Variants in RIC3 observed in about 807,000 individuals in gnomAD.
RIC3 encodes protein RIC-3.
In RIC3, 28 loss-of-function variants were observed where a neutral mutation model predicts 27.3. That is an observed-to-expected ratio of 1.02 (90% confidence interval 0.76 to 1.41). RIC3 has a LOEUF of 1.41. RIC3 is among the 40% of genes most tolerant of loss of function. The pLI is 0.00. For missense variants in RIC3, 501 were observed against 444.7 expected (o/e 1.13, Z -1.14); for synonymous variants, 184 against 160.4 (o/e 1.15, Z -1.11).
At chr11:8,123,451 T>C (rs995893273) in intron 5 of RIC3, among the ~76,000 whole-genome samples, 2 of 152,062 alleles carry the variant, frequency 1.3e-5, no homozygotes, top group African/African-American at 4.8e-5. Context: ...CAAATTACAG[T>C]TCTCTGAAAA....
chr11:8,113,207 T>G (rs562267602), intron 5 of RIC3, among the ~76,000 whole-genome samples: 1 of 152,228 alleles, frequency 6.6e-6, no homozygotes, highest in African/African-American at 2.4e-5. Context: ...TCCCAGCCAC[T>G]GAATGCTTAA....
chr11:8,104,107 C>T (rs377503302), downstream of RIC3: 4 of 152,268 alleles, frequency 2.6e-5, no homozygotes, highest in African/African-American at 7.2e-5. Flanking sequence ...TGCATGGACT[C>T]GTAAAGCTGC....
intron 5 of RIC3, among the ~76,000 whole-genome samples, chr11:8,125,034 A>G (rs1281356382): frequency 2.0e-5 from 3 of 152,114 alleles, no homozygotes; most frequent in African/African-American, 4.8e-5. Flanking sequence ...TGGGTGGATC[A>G]CAAGGTCAGG....
chr11:8,157,393 T>C (rs1222456217), intron 1 of RIC3, among the ~76,000 whole-genome samples: 1 of 152,196 alleles, frequency 6.6e-6, no homozygotes, highest in African/African-American at 2.4e-5. Context: ...CCTTAAACCA[T>C]CCTCCAGATC....
At position 8,143,710 on chromosome 11, in the gene RIC3, C is replaced by T. The variant is rs932277250; in HGVS notation, c.125-3517G>A. On this transcript the variant is annotated intron_variant, in intron 1 of 5. Transcript: ENST00000309737. The stretch of plus-strand genomic sequence containing the variant: ...GTTCATATGGAACCAAAAAAGAGCC[C>T]GCATCGCCAAGGCAATCCTAAGCCA... Among the ~76,000 whole-genome samples, 145 of 152,116 alleles carry T rather than the reference C, an allele frequency of 9.5e-4. 1 individual carries two copies. Among genetic ancestry groups the T allele is most frequent in the Middle Eastern group, 6.8e-3 (2 of 294 alleles).
intron 1 of RIC3, among the ~76,000 whole-genome samples, chr11:8,154,635 T>C (rs1230175724): frequency 2.0e-5 from 3 of 152,206 alleles, no homozygotes; most frequent in Non-Finnish European, 4.4e-5. Flanking sequence ...CATCACATTG[T>C]ATGACCATAT....
chr11:8,161,936 A>C lies in RIC3; in HGVS notation c.124+6930T>G, dbSNP rs1951203656. Among the ~76,000 whole-genome samples the C allele has an allele frequency of 4.6e-5, 6 of 131,514 alleles. No homozygotes were observed. The Admixed American group carries it at 4.8e-4, about 11-fold the overall frequency. 86.3% of individuals were successfully genotyped at this position (131,514 alleles called of 152,430 possible). ...CACTTTCTCCGGGCAATGGAATGTGAGGAGGTAATGTCCGAAACTGTTGCT... is the reference window on the plus strand; with the variant it reads ...CACTTTCTCCGGGCAATGGAATGTGCGGAGGTAATGTCCGAAACTGTTGCT... On this transcript the variant is annotated intron_variant, in intron 1 of 5. Transcript: ENST00000309737.
At position 8,109,560 on chromosome 11, in the gene RIC3, C is replaced by T. The variant is rs1223285888; in HGVS notation, c.*1138G>A. ...CGAGTATGGAACACATGGTCTCTACCCCTGGGCACTGCTATATTGGTTCTC... is the reference window on the plus strand; with the variant it reads ...CGAGTATGGAACACATGGTCTCTACTCCTGGGCACTGCTATATTGGTTCTC... On this transcript the variant is annotated 3_prime_UTR_variant, in exon 6 of 6. Coordinates refer to ENST00000309737, the MANE Select transcript of RIC3 (RefSeq NM_001206671.4). The T allele has an allele frequency of 6.6e-6, 1 of 152,220 alleles. No individual in the cohort carries two copies. Among genetic ancestry groups the T allele is most frequent in the East Asian group, 1.9e-4 (1 of 5,178 alleles). 9.4% of individuals were successfully genotyped at this position (152,220 alleles called of 1,614,324 possible). A position where few individuals can be genotyped will look rare whatever the true frequency, so the allele number is the denominator to read the frequency against.
chr11:8,117,477 C>T (rs1334550401), intron 5 of RIC3, among the ~76,000 whole-genome samples: 1 of 152,148 alleles, frequency 6.6e-6, no homozygotes, highest in Admixed American at 6.5e-5. Context: ...AGCGTGATTT[C>T]ACTTACATAT....
At chr11:8,101,074 C>G (rs1417350095), downstream of RIC3, 1 of 1,522,918 alleles carries the variant, frequency 6.6e-7, no homozygotes, top group Non-Finnish European at 9.0e-7. Flanking sequence ...CCCACCTAGC[C>G]CTGCCTACAC....
At chr11:8,146,000 C>T (rs563807366) in intron 1 of RIC3, among the ~76,000 whole-genome samples, 5 of 152,114 alleles carry the variant, frequency 3.3e-5, no homozygotes, top group African/African-American at 1.2e-4. Flanking sequence ...TATGTACACA[C>T]CCTATGATCC....
chr11:8,138,095 G>C (rs565272321), intron 3 of RIC3, among the ~76,000 whole-genome samples, 177 bp downstream of exon 3: 1 of 152,214 alleles, frequency 6.6e-6, no homozygotes, highest in East Asian at 1.9e-4. Context: ...TGTACTTTTT[G>C]TAGTACATCA....
chr11:8,110,921 C>T lies in RIC3; in HGVS notation c.887G>A (p.Cys296Tyr), dbSNP rs762272109. ...GGAACATGTTTCTGGCTTTGGATCACACGAGGTAACAGAATTATCTTCCTG... is the reference window on the plus strand; with the variant it reads ...GGAACATGTTTCTGGCTTTGGATCATACGAGGTAACAGAATTATCTTCCTG... The part of the protein sequence containing the change: ...RAQEDNSVTS[C>Y]DPKPETCSCC... Residue 296 changes from cysteine (C) to tyrosine (Y), a missense_variant, in exon 6 of 6, where the codon TGT becomes TAT. Coordinates refer to ENST00000309737, the MANE Select transcript of RIC3 (RefSeq NM_001206671.4). The T allele has an allele frequency of 6.2e-7, 1 of 1,614,224 alleles. No homozygotes were observed. The highest frequency in any genetic ancestry group is 8.5e-7 in the Non-Finnish European group (1 of 1,180,038).
chr11:8,139,836 G>A (rs1948843421), intron 2 of RIC3, 131 bp downstream of exon 2: 2 of 758,572 alleles, frequency 2.6e-6, no homozygotes, highest in African/African-American at 3.5e-5. Context: ...TCATGAAGAG[G>A]AGGCAGGATT....
At position 8,137,364 on chromosome 11, in the gene RIC3, A is replaced by G. The variant is rs1479669610; in HGVS notation, c.521+14T>C. On this transcript the variant is annotated intron_variant, in intron 4 of 5. Coordinates refer to ENST00000309737, the MANE Select transcript of RIC3 (RefSeq NM_001206671.4). ...AATGAGAAATAGTCTGAGTCCCGTTACATGAAAACCTACCTCTCACCATTA... is the reference window on the plus strand; with the variant it reads ...AATGAGAAATAGTCTGAGTCCCGTTGCATGAAAACCTACCTCTCACCATTA... 2 of 1,604,920 alleles carry G rather than the reference A, an allele frequency of 1.2e-6. No individual in the cohort carries two copies. Among genetic ancestry groups the G allele is most frequent in the Non-Finnish European group, 1.7e-6 (2 of 1,171,920 alleles).
chr11:8,109,164 T>C lies in RIC3; in HGVS notation c.*1534A>G, dbSNP rs956292805. On this transcript the variant is annotated 3_prime_UTR_variant, in exon 6 of 6. Transcript: ENST00000309737. Reference sequence around the variant, plus strand: ...TAGCTGACAGATTATCTTAATATGATCCCATACCTTCTAACAGCAGTCTGT... The same window carrying C: ...TAGCTGACAGATTATCTTAATATGACCCCATACCTTCTAACAGCAGTCTGT... 5 of 152,208 alleles carry C rather than the reference T, an allele frequency of 3.3e-5. No homozygotes were observed. The highest frequency in any genetic ancestry group is 1.2e-4 in the African/African-American group (5 of 41,450). 9.4% of individuals were successfully genotyped at this position (152,208 alleles called of 1,614,324 possible).
At chr11:8,097,603 A>T in the RIC3 span, 1 of 1,299,464 alleles carries the variant, frequency 7.7e-7, no homozygotes, top group Non-Finnish European at 1.1e-6. Flanking sequence ...GTGTGTGCAC[A>T]TATGTGCGTT....
intron 5 of RIC3, among the ~76,000 whole-genome samples, chr11:8,125,597 T>C (rs1046881528): frequency 6.6e-5 from 10 of 152,162 alleles, no homozygotes; most frequent in African/African-American, 2.2e-4. Flanking sequence ...CATTTTACAC[T>C]CACTAGAATG....
intron 4 of RIC3, among the ~76,000 whole-genome samples, chr11:8,131,924 AAAAG>A (rs1947784889): frequency 1.3e-5 from 2 of 151,358 alleles, no homozygotes; most frequent in South Asian, 4.2e-4. Flanking sequence ...AAAAAAAAAA[AAAAG>A]AATAGGTATT....
Sources: gnomAD v4.1 joint callset for allele counts (sites outside exome capture counted in the v4.1 genomes callset) on GRCh38, gnomAD v4.1.1 for gene constraint, MANE v1.5 for transcripts, NCBI Gene and HGNC (gene_info 2026-07-23, HGNC 2026-07-21) for gene names.